RAD51B: variants seen among roughly 807,000 people sequenced by gnomAD.
The protein encoded by RAD51B is DNA repair protein RAD51 homolog 2.
Under a neutral mutation model 42.2 loss-of-function variants are expected in RAD51B, and 38 were observed. That is an observed-to-expected ratio of 0.90 (90% CI 0.70 to 1.18). The LOEUF is 1.18. Among genes scored for constraint, RAD51B ranks in the 50% most tolerant of loss-of-function variants. The pLI, the probability that RAD51B is intolerant of heterozygous loss-of-function variation, is 0.00. For missense variants in RAD51B, 373 were observed against 400.7 expected, an observed-to-expected ratio of 0.93 and a Z score of 0.59; for synonymous variants, 154 against 145.2, an observed-to-expected ratio of 1.06 and a Z score of -0.43.
intron 7 of RAD51B, among the ~76,000 whole-genome samples, chr14:68,152,998 G>A (rs1485072966): frequency 6.6e-6 from 1 of 151,980 alleles, no homozygotes; most frequent in Admixed American, 6.6e-5. Flanking sequence ...TTTCCAGTCT[G>A]CCATTTATGG....
rs765354896 is a variant in RAD51B, at chr14:68,651,213, C to T, written c.*11+357C>T. Among the ~76,000 whole-genome samples, 3 of 152,044 alleles carry T rather than the reference C, an allele frequency of 2.0e-5. No homozygotes were observed. The East Asian group carries it at 5.8e-4, about 29-fold the overall frequency. ...TTGAGATAAGGTCTCACTCTGTCACCCATGCTGGAGTGCAATGGAGCAATC... is the reference window on the plus strand; with the variant it reads ...TTGAGATAAGGTCTCACTCTGTCACTCATGCTGGAGTGCAATGGAGCAATC... On this transcript the variant is annotated intron_variant, in intron 11 of 11. Coordinates refer to the RAD51B transcript ENST00000488612.
chr14:68,016,336 G>A (rs2075777688), intron 7 of RAD51B, among the ~76,000 whole-genome samples: 1 of 152,044 alleles, frequency 6.6e-6, no homozygotes, highest in South Asian at 2.1e-4. Flanking sequence ...CTCCCACCAT[G>A]GCCTCAGTCA....
chr14:68,148,951 G>A (rs1361487240), intron 7 of RAD51B, among the ~76,000 whole-genome samples: 2 of 152,194 alleles, frequency 1.3e-5, no homozygotes, highest in Admixed American at 6.5e-5. Context: ...AACTTATTGA[G>A]TCATAACCCC....
intron 9 of RAD51B, among the ~76,000 whole-genome samples, chr14:68,445,208 G>C (rs971907858): frequency 6.6e-6 from 1 of 152,094 alleles, no homozygotes; most frequent in African/African-American, 2.4e-5. Context: ...ACAATTTAGG[G>C]GAAGAGACTG....
chr14:68,600,976 G>A (rs561670761), downstream of RAD51B, among the ~76,000 whole-genome samples: 7 of 142,780 alleles, frequency 4.9e-5, no homozygotes, highest in South Asian at 2.1e-4. Context: ...GTGGGTACCC[G>A]TGAAACACAA....
chr14:67,991,064 A>G (rs17104857), intron 7 of RAD51B, among the ~76,000 whole-genome samples: 5,707 of 152,264 alleles, frequency 0.037, 364 homozygotes, highest in African/African-American at 0.13. Flanking sequence ...TTAAAAAAAC[A>G]TGGGGAAGAG....
chr14:68,021,855 A>G (rs985628855), intron 7 of RAD51B, among the ~76,000 whole-genome samples: 1 of 152,240 alleles, frequency 6.6e-6, no homozygotes, highest in African/African-American at 2.4e-5. Context: ...AATGTTAACA[A>G]TCATCTGTGC....
intron 8 of RAD51B, among the ~76,000 whole-genome samples, chr14:68,397,125 A>G (rs1387502445): frequency 6.6e-6 from 1 of 152,200 alleles, no homozygotes. Flanking sequence ...TTACCTCATA[A>G]TTCTTTACTG....
chr14:68,535,978 G>C (rs932526383), intron 10 of RAD51B, among the ~76,000 whole-genome samples: 1 of 152,168 alleles, frequency 6.6e-6, no homozygotes, highest in African/African-American at 2.4e-5. Context: ...TTTAAAAGAA[G>C]GATATAGAGG....
intron 7 of RAD51B, among the ~76,000 whole-genome samples, chr14:67,898,488 A>G (rs955182420): frequency 6.6e-5 from 10 of 152,224 alleles, no homozygotes; most frequent in African/African-American, 1.2e-4. Context: ...ACACAAGATG[A>G]TAAGTCCTGG....
intron 7 of RAD51B, among the ~76,000 whole-genome samples, chr14:68,006,598 A>G (rs999304252): frequency 6.6e-6 from 1 of 152,094 alleles, no homozygotes; most frequent in Admixed American, 6.5e-5. Flanking sequence ...TCTTCACTTA[A>G]TATTTCTTGG....
chr14:68,183,832 G>T lies in RAD51B; in HGVS notation c.757-108052G>T, dbSNP rs199866284. 2.8e-4 allele frequency among the ~76,000 whole-genome samples: 43 copies of T among 152,108 alleles called. No individual in the cohort carries two copies. The East Asian group carries it at 7.0e-3, about 25-fold the overall frequency. ...GGTAAGGCCGGGCGTAGTGGCTCACGCCTGTAATCCCAGCACTTTGGGAGG... is the reference window on the plus strand; with the variant it reads ...GGTAAGGCCGGGCGTAGTGGCTCACTCCTGTAATCCCAGCACTTTGGGAGG... On this transcript the variant is annotated intron_variant, in intron 7 of 10. Coordinates refer to ENST00000471583, the MANE Select transcript of RAD51B (RefSeq NM_133510.4).
At position 68,181,803 on chromosome 14, in the gene RAD51B, G is replaced by A. The variant is rs563106556; in HGVS notation, c.757-110081G>A. 1.8e-4 allele frequency among the ~76,000 whole-genome samples: 27 copies of A among 152,190 alleles called. 2 individuals are homozygous for A. In the South Asian group the frequency reaches 5.4e-3, roughly 30 times the overall value. On this transcript the variant is annotated intron_variant, in intron 7 of 10. Transcript: ENST00000471583. ...GAGGAGCACAATTTAAAATTCTCTG[G>A]GTTGTAGGCTAAGGATCAAAGGGTT...
At chr14:68,425,971 TCTTTCTTCCTTCCTTC>T (rs1413841096) in intron 9 of RAD51B, among the ~76,000 whole-genome samples, 12 of 81,806 alleles carry the variant, frequency 1.5e-4, no homozygotes, top group African/African-American at 5.3e-4. Flanking sequence ...TTTCTTTCTT[TCTTTCTTCCTTCCTTC>T]CTTCCTTCCT....
At chr14:68,536,974 G>A (rs1485803733) in intron 10 of RAD51B, among the ~76,000 whole-genome samples, 3 of 151,642 alleles carry the variant, frequency 2.0e-5, no homozygotes, top group Admixed American at 6.6e-5. Context: ...CCTGCTACTC[G>A]GGAGGCTGAG....
intron 8 of RAD51B, among the ~76,000 whole-genome samples, chr14:68,389,202 T>C (rs568353942): frequency 5.9e-5 from 9 of 152,320 alleles, no homozygotes; most frequent in African/African-American, 2.2e-4. Context: ...TGAGCACACA[T>C]GTAACCAGCA....
intron 7 of RAD51B, among the ~76,000 whole-genome samples, chr14:68,250,429 A>G (rs2080601333): frequency 6.6e-6 from 1 of 152,230 alleles, no homozygotes; most frequent in South Asian, 2.1e-4. Flanking sequence ...TAATTTTCTT[A>G]CTATAATGCC....
chr14:67,964,260 AG>A (rs914143259), intron 7 of RAD51B, among the ~76,000 whole-genome samples: 9 of 152,188 alleles, frequency 5.9e-5, no homozygotes, highest in African/African-American at 2.2e-4. Flanking sequence ...AGAGTTAGAA[AG>A]GAAAGTGAGT....
intron 7 of RAD51B, among the ~76,000 whole-genome samples, chr14:68,250,753 G>A (rs1297127689): frequency 6.6e-6 from 1 of 152,162 alleles, no homozygotes; most frequent in Non-Finnish European, 1.5e-5. Flanking sequence ...AGATACCTGA[G>A]GGTCTGGGGT....
Sources: allele counts gnomAD v4.1 joint callset (sites outside exome capture counted in the v4.1 genomes callset), GRCh38; gene constraint gnomAD v4.1.1; transcripts MANE v1.5; gene names NCBI Gene and HGNC (gene_info 2026-07-23, HGNC 2026-07-21).